The following KATNAL2 variants were observed in gnomAD, a reference collection of about 807,000 sequenced individuals.
KATNAL2 encodes katanin catalytic subunit A1 like 2, also known as katanin p60 ATPase-containing subunit A-like 2.
A neutral mutation model predicts 76.3 loss-of-function variants in KATNAL2; 52 were observed. The observed-to-expected ratio is 0.68, with a 90% CI of 0.55 to 0.86. KATNAL2 has a LOEUF of 0.86. Ranked by LOEUF, KATNAL2 falls within the 40% of genes least tolerant of loss-of-function variation. KATNAL2 has a pLI of 0.00. For synonymous variants in KATNAL2, 243 were observed against 244.2 expected (o/e 1.00, Z 0.05); for missense variants, 660 against 668.9 (o/e 0.99, Z 0.15).
chr18:47,035,357 TG>T, intron 3 of KATNAL2: 1 of 1,586,630 alleles, frequency 6.3e-7, no homozygotes, highest in Non-Finnish European at 8.6e-7. Flanking sequence ...CGGTCCTCGC[TG>T]CCCGGTCGCC....
chr18:46,929,343 A>T (rs1356191718), intron 1 of KATNAL2, among the ~76,000 whole-genome samples: 1 of 151,916 alleles, frequency 6.6e-6, no homozygotes, highest in Non-Finnish European at 1.5e-5. Context: ...TCTGGGTTCA[A>T]GCAATTCTCC....
chr18:47,059,395 C>T (rs1207469801), intron 7 of KATNAL2, among the ~76,000 whole-genome samples, 161 bp from the exon 8 acceptor site: 2 of 152,250 alleles, frequency 1.3e-5, no homozygotes, highest in Non-Finnish European at 2.9e-5. Context: ...ACAGCTACTT[C>T]ATCTTCCTGG....
Position 47,058,298 on chromosome 18 carries a change from C to T in KATNAL2, c.396C>T (p.Thr132=). 1.2e-6 allele frequency: 2 copies of T among 1,614,086 alleles called. No homozygotes were observed. Among genetic ancestry groups the T allele is most frequent in the Non-Finnish European group, 1.7e-6 (2 of 1,179,968 alleles). Reference sequence around the variant, plus strand: ...ATCAGCAGAGGCCCCGGTCCAAAACCACAGCGGGGAAGACAGGGGACACCA... The same window carrying T: ...ATCAGCAGAGGCCCCGGTCCAAAACTACAGCGGGGAAGACAGGGGACACCA... ...KINQQRPRSK[T]TAGKTGDTKS... is the part of the protein sequence containing the mutation. The change falls in exon 7 of 18, where the codon ACC becomes ACT. Residue 132 remains threonine, a synonymous_variant. Transcript: ENST00000683218.
At chr18:47,039,562 A>C (rs1208962155) in intron 3 of KATNAL2, among the ~76,000 whole-genome samples, 1 of 152,166 alleles carries the variant, frequency 6.6e-6, no homozygotes, top group East Asian at 1.9e-4. Flanking sequence ...ATGTCTGTGC[A>C]CACATGGAGT....
intron 3 of KATNAL2, chr18:47,032,883 G>T (rs950795327): frequency 1.9e-6 from 3 of 1,574,116 alleles, no homozygotes; most frequent in South Asian, 1.2e-5. Context: ...GAATTCAAAG[G>T]CTCAACTTTG....
chr18:46,939,305 C>T (rs2059178822), intron 1 of KATNAL2, among the ~76,000 whole-genome samples: 1 of 150,558 alleles, frequency 6.6e-6, no homozygotes, highest in African/African-American at 2.5e-5. Context: ...TGCACTCCAG[C>T]CTGAGCGGCA....
intron 3 of KATNAL2, among the ~76,000 whole-genome samples, chr18:47,031,514 T>C (rs1292385015): frequency 3.9e-5 from 6 of 152,078 alleles, no homozygotes; most frequent in Non-Finnish European, 7.3e-5. Context: ...GGGATTCGGG[T>C]GTTAAGCCTT....
intron 4 of KATNAL2, among the ~76,000 whole-genome samples, chr18:47,051,638 T>C (rs571246896): frequency 6.6e-6 from 1 of 152,200 alleles, no homozygotes; most frequent in Non-Finnish European, 1.5e-5. Flanking sequence ...TATAGAAGCA[T>C]GGTGAGACAT....
At chr18:47,061,980 G>A (rs562648944) in intron 8 of KATNAL2, among the ~76,000 whole-genome samples, 2 of 152,224 alleles carry the variant, frequency 1.3e-5, no homozygotes, top group East Asian at 3.9e-4. Context: ...CTGGCCTTAA[G>A]CCATTTATTA....
At chr18:47,035,284 C>T (rs778562651) in intron 3 of KATNAL2, 12 of 1,612,078 alleles carry the variant, frequency 7.4e-6, no homozygotes, top group African/African-American at 2.7e-5. Context: ...GCTGTGCAGG[C>T]GTCGCTGTCC....
chr18:47,045,951 T>G (rs2061143569), intron 3 of KATNAL2, among the ~76,000 whole-genome samples: 1 of 152,198 alleles, frequency 6.6e-6, no homozygotes, highest in African/African-American at 2.4e-5. Flanking sequence ...CAGTGGCTAT[T>G]CTAAATCCTT....
chr18:46,928,500 G>A (rs1212289398), intron 1 of KATNAL2, among the ~76,000 whole-genome samples: 1 of 152,124 alleles, frequency 6.6e-6, no homozygotes, highest in Non-Finnish European at 1.5e-5. Flanking sequence ...CCCTACTGGG[G>A]GGTGCCTGCC....
chr18:47,086,257 C>T (rs1195447065), intron 15 of KATNAL2, among the ~76,000 whole-genome samples: 2 of 152,190 alleles, frequency 1.3e-5, no homozygotes, highest in African/African-American at 4.8e-5. Flanking sequence ...TATTACCTCA[C>T]CCTGATCTGA....
intron 15 of KATNAL2, among the ~76,000 whole-genome samples, chr18:47,096,612 C>T (rs779112340): frequency 1.3e-5 from 2 of 152,118 alleles, no homozygotes; most frequent in South Asian, 2.1e-4. Context: ...CGTGAGCCAC[C>T]GCACTCAGCT....
intron 3 of KATNAL2, chr18:47,034,736 G>A: frequency 6.2e-7 from 1 of 1,613,006 alleles, no homozygotes; most frequent in Non-Finnish European, 8.5e-7. Flanking sequence ...ATCCGGAGGG[G>A]AGCTGTGCGC....
intron 15 of KATNAL2, among the ~76,000 whole-genome samples, chr18:47,088,962 C>T (rs561107009): frequency 6.6e-6 from 1 of 152,312 alleles, no homozygotes; most frequent in South Asian, 2.1e-4. Context: ...GACAAATTTC[C>T]CTGGTGCCTT....
intron 1 of KATNAL2, among the ~76,000 whole-genome samples, chr18:46,933,901 G>T (rs2059011318): frequency 6.8e-6 from 1 of 148,022 alleles, no homozygotes; most frequent in Non-Finnish European, 1.5e-5. Flanking sequence ...TGTGGTGTTT[G>T]GTTTTTTGTC....
chr18:47,077,508 T>A, intron 15 of KATNAL2, 47 bp downstream of exon 15: 3 of 1,368,374 alleles, frequency 2.2e-6, no homozygotes, highest in South Asian at 1.2e-5. Flanking sequence ...CAGGAGTCAC[T>A]AAGTGCAAAT....
At chr18:46,940,418 GTGTGATTAAAACGC>G (rs1023886942) in intron 1 of KATNAL2, among the ~76,000 whole-genome samples, 5 of 152,254 alleles carry the variant, frequency 3.3e-5, no homozygotes, top group African/African-American at 4.8e-5. Flanking sequence ...CAGAATGTCT[GTGTGATTAAAACGC>G]TCTCTCTCTC....
Sources: allele counts gnomAD v4.1 joint callset (sites outside exome capture counted in the v4.1 genomes callset), GRCh38; gene constraint gnomAD v4.1.1; transcripts MANE v1.5; gene names NCBI Gene and HGNC (gene_info 2026-07-23, HGNC 2026-07-21).